Variants in AKAP6 observed in about 807,000 individuals in gnomAD.
The protein encoded by AKAP6 is A-kinase anchoring protein 6.
A neutral mutation model predicts 188.5 loss-of-function variants in AKAP6; 58 were observed. The observed-to-expected ratio is 0.31, with a 90% CI of 0.25 to 0.38. The LOEUF is 0.38. Ranked by LOEUF, AKAP6 falls within the 10% of genes least tolerant of loss-of-function variation. The pLI is 1.00. For missense variants in AKAP6, 2,710 were observed against 2,740.0 expected (o/e 0.99, Z 0.24); for synonymous variants, 989 against 998.6 (o/e 0.99, Z 0.18).
At chr14:32,434,105 A>G (rs1439445495) in intron 2 of AKAP6, 2 of 302,206 alleles carry the variant, frequency 6.6e-6, no homozygotes, top group East Asian at 5.6e-5. Context: ...ACACAGAATA[A>G]AAGTATTTAA....
At chr14:32,466,562 C>T (rs1307568929) in intron 2 of AKAP6, among the ~76,000 whole-genome samples, 1 of 151,788 alleles carries the variant, frequency 6.6e-6, no homozygotes, top group Non-Finnish European at 1.5e-5. Context: ...ACGTCACACA[C>T]CAGAGCCTGT....
chr14:32,661,575 C>G (rs1481835246), intron 7 of AKAP6, among the ~76,000 whole-genome samples: 3 of 152,094 alleles, frequency 2.0e-5, no homozygotes, highest in Non-Finnish European at 2.9e-5. Flanking sequence ...GACCCAAGTA[C>G]ATACCTTACT....
rs556478512 is a variant in AKAP6, at chr14:32,681,657, C to T, written c.2879+3198C>T. On this transcript the variant is annotated intron_variant, in intron 8 of 13. Transcript: ENST00000280979. ...CAGGTTTAAATCAAAACAAAATTAA[C>T]TCATTCATTAATTTGACAAATTTTT... Among the ~76,000 whole-genome samples, 3 of 151,438 alleles carry T rather than the reference C, an allele frequency of 2.0e-5. No individual in the cohort carries two copies. The South Asian group carries it at 6.3e-4, about 32-fold the overall frequency.
chr14:32,761,594 C>G (rs2032540583), intron 11 of AKAP6, among the ~76,000 whole-genome samples: 1 of 152,108 alleles, frequency 6.6e-6, no homozygotes, highest in Admixed American at 6.6e-5. Context: ...TCTGTCCTCT[C>G]CCATGAGTCA....
chr14:32,450,168 G>T (rs1890892027), intron 2 of AKAP6, among the ~76,000 whole-genome samples: 1 of 152,160 alleles, frequency 6.6e-6, no homozygotes, highest in South Asian at 2.1e-4. Context: ...CACCTCTGAA[G>T]ATTGTTGTAA....
intron 7 of AKAP6, among the ~76,000 whole-genome samples, chr14:32,619,377 C>G (rs1886720589): frequency 6.6e-6 from 1 of 152,122 alleles, no homozygotes; most frequent in Non-Finnish European, 1.5e-5. Flanking sequence ...AGTTAAGGAT[C>G]CAGTTTCATT....
intron 1 of AKAP6, among the ~76,000 whole-genome samples, chr14:32,421,933 C>T (rs1889863133): frequency 6.6e-6 from 1 of 152,166 alleles, no homozygotes; most frequent in African/African-American, 2.4e-5. Context: ...AGAATGTCTG[C>T]ATTAATTGAA....
rs1566546732 is a variant in AKAP6, at chr14:32,510,438, GTATATATATATACATATATA to G, written c.325-25114_325-25095del. Among the ~76,000 whole-genome samples, 47 of 84,422 alleles carry G rather than the reference GTATATATATATACATATATA, an allele frequency of 5.6e-4. 1 individual carries two copies. Among genetic ancestry groups the G allele is most frequent in the African/African-American group, 2.0e-3 (45 of 22,138 alleles). The allele number at this position is 84,422 out of a possible 152,430, so 55.4% of individuals were successfully genotyped here. On this transcript the variant is annotated intron_variant, in intron 2 of 13. Coordinates refer to ENST00000280979, the MANE Select transcript of AKAP6 (RefSeq NM_004274.5). ...TGTATATATATACATATATATATGTGTATATATATATACATATATATGTGTATATATATATATACATATAT... is the reference window on the plus strand; with the variant it reads ...TGTATATATATACATATATATATGTGTGTGTATATATATATATACATATAT...
At chr14:32,488,070 G>A (rs960301780) in intron 2 of AKAP6, among the ~76,000 whole-genome samples, 3 of 152,302 alleles carry the variant, frequency 2.0e-5, no homozygotes, top group East Asian at 3.9e-4. Context: ...TGGGAGATCC[G>A]CTGGTCTCTT....
At chr14:32,584,837 G>A (rs1885156918) in intron 5 of AKAP6, among the ~76,000 whole-genome samples, 1 of 152,052 alleles carries the variant, frequency 6.6e-6, no homozygotes. Context: ...CTCTTGTATT[G>A]CTGAGAAGTA....
chr14:32,599,435 A>G lies in AKAP6; in HGVS notation c.2495A>G (p.His832Arg). ...HLSFKLNVDS[H>R]CALKEAVEEE... ...AGTTTTAAGTTGAATGTAGACAGTC[A>G]TTGTGCTCTCAAGGAAGCTGTGGAG... The change falls in exon 6 of 14, where the codon CAT (histidine) becomes CGT (arginine). Residue 832 changes from histidine to arginine, a missense_variant. Physicochemically the swap from His to Arg is conservative, Grantham distance 29. Coordinates refer to ENST00000280979, the MANE Select transcript of AKAP6 (RefSeq NM_004274.5). The G allele has an allele frequency of 6.2e-7, 1 of 1,613,218 alleles. No homozygotes were observed. Among genetic ancestry groups the G allele is most frequent in the Non-Finnish European group, 8.5e-7 (1 of 1,179,470 alleles).
At chr14:32,690,078 C>T (rs2139677868) in intron 8 of AKAP6, among the ~76,000 whole-genome samples, 1 of 111,488 alleles carries the variant, frequency 9.0e-6, no homozygotes. Context: ...CCCCAAAATA[C>T]ACACACACAC....
chr14:32,433,835 A>T lies in AKAP6; in HGVS notation c.324+18A>T. The T allele has an allele frequency of 6.2e-7, 1 of 1,605,412 alleles. No homozygotes were observed. The highest frequency in any genetic ancestry group is 1.3e-5 in the African/African-American group (1 of 74,986). On this transcript the variant is annotated intron_variant, in intron 2 of 13. Coordinates refer to ENST00000280979, the MANE Select transcript of AKAP6 (RefSeq NM_004274.5). Reference sequence around the variant, plus strand: ...AACTAAAGGTAAGGCAAGGTCTGTGATCCTCTCAGGATAGAAGTTTTCAAA... The same window carrying T: ...AACTAAAGGTAAGGCAAGGTCTGTGTTCCTCTCAGGATAGAAGTTTTCAAA...
intron 2 of AKAP6, among the ~76,000 whole-genome samples, chr14:32,450,332 G>C (rs898568286): frequency 1.3e-5 from 2 of 152,060 alleles, no homozygotes; most frequent in African/African-American, 2.4e-5. Flanking sequence ...GTGAGAGAGA[G>C]AGAGAGAGAG....
At chr14:32,518,546 A>G (rs1594701441) in intron 2 of AKAP6, among the ~76,000 whole-genome samples, 1 of 152,348 alleles carries the variant, frequency 6.6e-6, no homozygotes, top group East Asian at 1.9e-4. Context: ...TACGTGACAC[A>G]TGCACAAGCT....
rs747671412 is a variant in AKAP6 at position 32,821,675 on chromosome 14, G to A, written c.3862G>A (p.Val1288Met). 6.2e-7 allele frequency: 1 copy of A among 1,613,666 alleles called. No homozygotes were observed. The highest frequency in any genetic ancestry group is 1.7e-5 in the Admixed American group (1 of 59,864). The change falls in exon 13 of 14, where the codon GTG becomes ATG. Residue 1288 changes from valine to methionine, a missense_variant. This residue lies in a region of AKAP6 where 2,473 missense variants were observed against 2,426.1 expected (regional missense o/e 1.02). Transcript: ENST00000280979. ...TAPSSPHIYQ[V>M]YSLHNVELYE... ...CCCCTCTAGTCCACACATTTACCAG[G>A]TGTACAGCCTCCACAATGTTGAACT... is the stretch of plus-strand genomic sequence containing the variant.
chr14:32,409,611 T>G (rs1339924788), intron 1 of AKAP6, among the ~76,000 whole-genome samples: 1 of 152,178 alleles, frequency 6.6e-6, no homozygotes, highest in African/African-American at 2.4e-5. Context: ...CCTTTCTATC[T>G]GAAATTGTGT....
intron 2 of AKAP6, among the ~76,000 whole-genome samples, chr14:32,510,492 A>ATG (rs1350748197): frequency 1.5e-4 from 17 of 113,408 alleles, no homozygotes; most frequent in African/African-American, 3.8e-4. Context: ...ATATATGTGT[A>ATG]TATATATATA....
intron 12 of AKAP6, among the ~76,000 whole-genome samples, chr14:32,820,714 G>A (rs1304750149): frequency 6.6e-6 from 1 of 152,120 alleles, no homozygotes; most frequent in Non-Finnish European, 1.5e-5. Flanking sequence ...TTGCCCTGGA[G>A]CATTCAGGGT....
Sources: gnomAD v4.1 joint callset for allele counts (sites outside exome capture counted in the v4.1 genomes callset) on GRCh38, gnomAD v4.1.1 for gene constraint, gnomAD v4.1.1 regional missense constraint, MANE v1.5 for transcripts, NCBI Gene and HGNC (gene_info 2026-07-23, HGNC 2026-07-21) for gene names.